Variants in SCN9A observed in about 807,000 individuals in gnomAD.
The protein encoded by SCN9A is sodium channel protein type 9 subunit alpha.
Under a neutral mutation model 187.0 loss-of-function variants are expected in SCN9A, and 131 were observed. The ratio of observed to expected loss-of-function variants is 0.70; its 90% CI spans 0.61 to 0.81. SCN9A has a LOEUF of 0.81. Among genes scored for constraint, SCN9A ranks in the 30% least tolerant of loss-of-function variants. The pLI is 0.00. For missense variants in SCN9A, 2,252 were observed against 2,396.6 expected, an observed-to-expected ratio of 0.94 and a Z score of 1.26; for synonymous variants, 809 against 808.6, an observed-to-expected ratio of 1.00 and a Z score of -0.01.
intron 17 of SCN9A, among the ~76,000 whole-genome samples, chr2:166,254,678 T>A (rs1288039468): frequency 6.6e-6 from 1 of 151,448 alleles, no homozygotes; most frequent in Non-Finnish European, 1.5e-5. Flanking sequence ...TTCCATGTAA[T>A]TTTGGAAATG....
At chr2:166,349,963 A>T (rs1487338239) in intron 1 of SCN9A, among the ~76,000 whole-genome samples, 1 of 150,328 alleles carries the variant, frequency 6.7e-6, no homozygotes, top group African/African-American at 2.5e-5. Flanking sequence ...CAAGAGTGAA[A>T]CTCCCTCTCA....
intron 17 of SCN9A, among the ~76,000 whole-genome samples, chr2:166,254,782 T>G (rs907515594): frequency 6.6e-6 from 1 of 151,394 alleles, no homozygotes; most frequent in Non-Finnish European, 1.5e-5. Flanking sequence ...AATTTTCACA[T>G]GGATTTGATT....
chr2:166,296,304 ATTAG>A lies in SCN9A; in HGVS notation c.902-1646_902-1643del, dbSNP rs374786304. ...CTGCTCAAAAACAGGAGTTATTATA[ATTAG>A]TTAAACTATTATACAATTTGAGATA... On this transcript the variant is annotated intron_variant, in intron 7 of 26. Transcript: ENST00000642356. 1.5e-3 allele frequency among the ~76,000 whole-genome samples: 235 copies of A among 152,376 alleles called. 1 individual carries two copies. The highest frequency in any genetic ancestry group is 5.1e-3 in the African/African-American group (211 of 41,590).
In SCN9A at chr2:166,333,481, T is replaced by C. The variant is rs577508369; in HGVS notation, c.-50-21675A>G. Reference sequence around the variant, plus strand: ...CTTTTCTCCATTCAACATTCATTAATGAGAACATCGTGAAGTCCAGCTTAT... The same window carrying C: ...CTTTTCTCCATTCAACATTCATTAACGAGAACATCGTGAAGTCCAGCTTAT... On this transcript the variant is annotated intron_variant, in intron 1 of 26. Coordinates refer to ENST00000642356, the MANE Select transcript of SCN9A (RefSeq NM_001365536.1). 8.5e-4 allele frequency among the ~76,000 whole-genome samples: 129 copies of C among 152,248 alleles called. 1 individual carries two copies. Among genetic ancestry groups the C allele is most frequent in the Non-Finnish European group, 1.6e-3 (106 of 67,966 alleles).
intron 11 of SCN9A, among the ~76,000 whole-genome samples, chr2:166,285,470 G>A (rs1402377416): frequency 6.6e-6 from 1 of 152,148 alleles, no homozygotes; most frequent in Non-Finnish European, 1.5e-5. Context: ...GGCAACTATT[G>A]TGAACAATGG....
chr2:166,228,580 C>T (rs993137818), intron 22 of SCN9A, 111 bp downstream of exon 22: 5 of 1,115,322 alleles, frequency 4.5e-6, no homozygotes, highest in Admixed American at 2.3e-5. Context: ...TTTTAAAAAC[C>T]ACACAGTATT....
chr2:166,207,529 C>G (rs904653203), intron 24 of SCN9A, among the ~76,000 whole-genome samples: 8 of 152,198 alleles, frequency 5.3e-5, no homozygotes, highest in Admixed American at 2.6e-4. Flanking sequence ...CAACCTCCAC[C>G]TCCTGGGTTC....
At chr2:166,340,568 TTC>T (rs375776919) in intron 1 of SCN9A, among the ~76,000 whole-genome samples, 894 of 74,478 alleles carry the variant, frequency 0.012, 30 homozygotes, top group African/African-American at 0.041. Context: ...CTTTCTTTCT[TTC>T]TTTCTTTCTT....
chr2:166,237,922 C>A (rs1695392699), intron 20 of SCN9A, among the ~76,000 whole-genome samples, 172 bp downstream of exon 20: 1 of 152,144 alleles, frequency 6.6e-6, no homozygotes, highest in Non-Finnish European at 1.5e-5. Context: ...ATATTCCTCA[C>A]AGATATATTT....
At chr2:166,213,459 C>CAATAATAATAATAAT (rs75970260) in intron 24 of SCN9A, among the ~76,000 whole-genome samples, 78 of 140,946 alleles carry the variant, frequency 5.5e-4, no homozygotes, top group South Asian at 1.4e-3. Context: ...CAAATTGAAC[C>CAATAATAATAATAAT]AATAATAATA....
At chr2:166,220,601 A>G (rs1465322392) in intron 24 of SCN9A, among the ~76,000 whole-genome samples, 2 of 152,172 alleles carry the variant, frequency 1.3e-5, no homozygotes, top group African/African-American at 4.8e-5. Flanking sequence ...TATGTTCATT[A>G]TAAATTACCC....
chr2:166,245,768 G>C (rs1398880965), intron 18 of SCN9A, among the ~76,000 whole-genome samples: 3 of 151,876 alleles, frequency 2.0e-5, no homozygotes, highest in Non-Finnish European at 1.5e-5. Context: ...CTAAAAGATT[G>C]ATCTCCTTTT....
intron 24 of SCN9A, among the ~76,000 whole-genome samples, chr2:166,206,860 T>C (rs1472790460): frequency 6.6e-6 from 1 of 152,206 alleles, no homozygotes; most frequent in East Asian, 1.9e-4. Flanking sequence ...AACACTTTAT[T>C]GGATGTCAAC....
intron 10 of SCN9A, among the ~76,000 whole-genome samples, chr2:166,288,208 A>G (rs1697874674): frequency 1.3e-5 from 2 of 151,030 alleles, no homozygotes; most frequent in African/African-American, 4.9e-5. Context: ...TTTAAGAGGA[A>G]CAGCCTTAGA....
rs573311661 is a variant in SCN9A, at chr2:166,341,125, G to C, written c.-50-29319C>G. ...GAAGAAAAGTTGAAAACTGGGCTGG[G>C]GAACAAATGGAAAATAAGATGCTTT... On this transcript the variant is annotated intron_variant, in intron 1 of 26. Transcript: ENST00000642356. Among the ~76,000 whole-genome samples the C allele has an allele frequency of 2.0e-5, 3 of 147,606 alleles. No individual in the cohort carries two copies. In the East Asian group the frequency reaches 5.8e-4, roughly 28 times the overall value.
chr2:166,206,048 G>A (rs951589761), intron 24 of SCN9A, among the ~76,000 whole-genome samples: 4 of 152,080 alleles, frequency 2.6e-5, no homozygotes, highest in East Asian at 1.9e-4. Flanking sequence ...AAATAGCAAC[G>A]CTTTTACACT....
intron 10 of SCN9A, among the ~76,000 whole-genome samples, chr2:166,287,233 A>C (rs1185871210): frequency 6.6e-6 from 1 of 152,130 alleles, no homozygotes; most frequent in Non-Finnish European, 1.5e-5. Context: ...ATATAAATGA[A>C]AAACAGAAAA....
rs1322811687 is a variant in SCN9A at position 166,226,669 on chromosome 2, G to T, written c.4296C>A (p.Tyr1432Ter). 6.3e-7 allele frequency: 1 copy of T among 1,586,442 alleles called. No individual in the cohort carries two copies. The highest frequency in any genetic ancestry group is 8.6e-7 in the Non-Finnish European group (1 of 1,166,816). Residue 1432 changes from tyrosine to a stop codon, truncating the protein, a stop_gained, in exon 24 of 27, where the codon TAC becomes TAA. Coordinates refer to ENST00000642356, the MANE Select transcript of SCN9A (RefSeq NM_001365536.1). LOFTEE classifies it high-confidence loss of function. ...TAAAGACGACAAAATAAATATACATGTAGAGGCTATATTCATATTTGGGCT... is the reference window on the plus strand; with the variant it reads ...TAAAGACGACAAAATAAATATACATTTAGAGGCTATATTCATATTTGGGCT... ...DKQPKYEYSL[Y>*]MYIYFVVFII...
chr2:166,199,673 A>C lies in SCN9A; in HGVS notation c.4966T>G (p.Phe1656Val), dbSNP rs368487219. The change falls in exon 27 of 27, where the codon TTC (phenylalanine) becomes GTC (valine). Residue 1656 changes from phenylalanine to valine, a missense_variant. By Grantham distance (50) the Phe-to-Val change is conservative (BLOSUM62 -1). Around this residue, in one of 7 missense-constraint regions of SCN9A, gnomAD observed 84 missense variants for 134.2 expected, o/e 0.63. Coordinates refer to ENST00000642356, the MANE Select transcript of SCN9A (RefSeq NM_001365536.1). Reference protein sequence around the residue: ...NIGLLLFLVMFIYAIFGMSNF... With the variant: ...NIGLLLFLVMVIYAIFGMSNF... ...GACATTCCAAAGATGGCGTAGATGA[A>C]CATGACCAGGAAGAGCAGGAGGCCG... 7 of 1,614,186 alleles carry C rather than the reference A, an allele frequency of 4.3e-6. No individual in the cohort carries two copies. Among genetic ancestry groups the C allele is most frequent in the Non-Finnish European group, 5.9e-6 (7 of 1,180,040 alleles).
Sources: allele counts gnomAD v4.1 joint callset (sites outside exome capture counted in the v4.1 genomes callset), GRCh38; gene constraint gnomAD v4.1.1; regional missense constraint gnomAD v4.1.1; transcripts MANE v1.5; gene names NCBI Gene and HGNC (gene_info 2026-07-23, HGNC 2026-07-21).